The following STPG2 variants were observed in gnomAD, a reference collection of about 807,000 sequenced individuals.
The protein encoded by STPG2 is sperm tail PG-rich repeat containing 2, also known as sperm-tail PG-rich repeat-containing protein 2.
A neutral mutation model predicts 54.2 loss-of-function variants in STPG2; 56 were observed. The observed-to-expected ratio is 1.03, with a 90% confidence interval of 0.83 to 1.29. STPG2 has a LOEUF of 1.29. STPG2 is among the 50% of genes most tolerant of loss of function. STPG2 has a pLI of 0.00. For missense variants in STPG2, 596 were observed against 544.9 expected (o/e 1.09, Z -0.93); for synonymous variants, 200 against 181.8 (o/e 1.10, Z -0.81).
At chr4:97,956,125 ATGTT>A (rs1310891611) in intron 7 of STPG2, among the ~76,000 whole-genome samples, 5 of 152,196 alleles carry the variant, frequency 3.3e-5, no homozygotes, top group Non-Finnish European at 5.9e-5. Context: ...TAGATTTAAA[ATGTT>A]TGACAATAAT....
intron 4 of STPG2, among the ~76,000 whole-genome samples, chr4:97,478,873 A>G (rs917345344): frequency 1.3e-4 from 18 of 134,038 alleles, no homozygotes; most frequent in Middle Eastern, 3.7e-3. Context: ...CAAGCCAAAT[A>G]TGTGTGTGTG....
intron 3 of STPG2, among the ~76,000 whole-genome samples, chr4:98,126,007 G>A (rs1035410722): frequency 2.0e-5 from 3 of 152,222 alleles, no homozygotes; most frequent in African/African-American, 7.2e-5. Context: ...CAGTCTCTCT[G>A]GCACTGGCAG....
At chr4:97,908,898 G>A (rs1374467325) in intron 8 of STPG2, among the ~76,000 whole-genome samples, 1 of 150,992 alleles carries the variant, frequency 6.6e-6, no homozygotes, top group Non-Finnish European at 1.5e-5. Context: ...ATAGCATTGG[G>A]CGATATACCT....
At chr4:98,023,112 GTT>G (rs200314689) in intron 5 of STPG2, among the ~76,000 whole-genome samples, 2 of 152,128 alleles carry the variant, frequency 1.3e-5, no homozygotes, top group Non-Finnish European at 2.9e-5. Context: ...TGAGTTTCCA[GTT>G]TTTCTGCTCT....
chr4:97,736,933 C>T (rs542457637), intron 9 of STPG2, among the ~76,000 whole-genome samples: 6 of 152,302 alleles, frequency 3.9e-5, no homozygotes, highest in African/African-American at 1.4e-4. Context: ...CCCCTGACCC[C>T]CCAGCAGCCT....
At chr4:97,924,790 C>G (rs975914849) in intron 8 of STPG2, among the ~76,000 whole-genome samples, 10 of 152,238 alleles carry the variant, frequency 6.6e-5, no homozygotes, top group Admixed American at 6.5e-4. Context: ...GTCATGTTTG[C>G]ATCAGGGACC....
At chr4:97,529,164 C>G (rs1169516748) in intron 4 of STPG2, among the ~76,000 whole-genome samples, 1 of 152,098 alleles carries the variant, frequency 6.6e-6, no homozygotes, top group African/African-American at 2.4e-5. Flanking sequence ...TCCATCAATA[C>G]CTAGTTTATT....
At chr4:98,095,018 C>T (rs1244507081) in intron 5 of STPG2, among the ~76,000 whole-genome samples, 1 of 151,810 alleles carries the variant, frequency 6.6e-6, no homozygotes, top group Non-Finnish European at 1.5e-5. Context: ...TAAGGAAAAA[C>T]AACAAAAAGT....
rs546818919 is a variant in STPG2, at chr4:97,691,373, G to A, written c.1320+21326C>T. On this transcript the variant is annotated intron_variant, in intron 10 of 10. Transcript: ENST00000295268. Reference sequence around the variant, plus strand: ...ACCAGCCTTTCAGGGTACAGGCTGCGTGGGAGCTGGGTGAGGCCTGTGGCT... The same window carrying A: ...ACCAGCCTTTCAGGGTACAGGCTGCATGGGAGCTGGGTGAGGCCTGTGGCT... Among the ~76,000 whole-genome samples, 49 of 152,250 alleles carry A rather than the reference G, an allele frequency of 3.2e-4. No individual in the cohort carries two copies. In the East Asian group the frequency reaches 7.6e-3, roughly 23 times the overall value.
chr4:97,675,073 G>A (rs914553117), intron 10 of STPG2, among the ~76,000 whole-genome samples: 2 of 151,898 alleles, frequency 1.3e-5, no homozygotes, highest in Admixed American at 6.6e-5. Context: ...GTGCAACCTC[G>A]ACTGACCGCA....
intron 4 of STPG2, among the ~76,000 whole-genome samples, chr4:97,450,660 C>T (rs961303018): frequency 6.6e-6 from 1 of 152,078 alleles, no homozygotes; most frequent in African/African-American, 2.4e-5. Flanking sequence ...TGAAAGTAGG[C>T]TAATAAGCCT....
intron 10 of STPG2, among the ~76,000 whole-genome samples, chr4:97,641,434 A>C (rs1030950885): frequency 6.6e-6 from 1 of 151,588 alleles, no homozygotes; most frequent in African/African-American, 2.4e-5. Flanking sequence ...TCATGCATAT[A>C]TATAAACATA....
At chr4:98,021,390 G>C (rs1014500230) in intron 5 of STPG2, among the ~76,000 whole-genome samples, 1 of 149,348 alleles carries the variant, frequency 6.7e-6, no homozygotes, top group East Asian at 1.9e-4. Flanking sequence ...GAGACAGTTC[G>C]TTATAATTTC....
intron 4 of STPG2, among the ~76,000 whole-genome samples, chr4:97,471,929 TTTC>T (rs1322671892): frequency 5.3e-5 from 8 of 152,178 alleles, no homozygotes; most frequent in African/African-American, 1.4e-4. Context: ...AATAAAATTT[TTTC>T]TTTCTTTCAA....
At chr4:97,621,589 A>G (rs978049809) in intron 10 of STPG2, among the ~76,000 whole-genome samples, 1 of 152,158 alleles carries the variant, frequency 6.6e-6, no homozygotes, top group Non-Finnish European at 1.5e-5. Flanking sequence ...AAGAAACTGA[A>G]TCCTTGAACA....
At chr4:97,823,303 C>T (rs771131090) in intron 9 of STPG2, among the ~76,000 whole-genome samples, 2 of 152,160 alleles carry the variant, frequency 1.3e-5, no homozygotes, top group Non-Finnish European at 2.9e-5. Flanking sequence ...CAGCTGGTGA[C>T]TTTAGGTTGA....
chr4:97,905,737 C>A (rs1731387733), intron 8 of STPG2, among the ~76,000 whole-genome samples: 1 of 151,816 alleles, frequency 6.6e-6, no homozygotes, highest in Non-Finnish European at 1.5e-5. Flanking sequence ...CACACATAGG[C>A]TCAAAATAAA....
chr4:98,125,877 T>C (rs1195113965), intron 3 of STPG2, among the ~76,000 whole-genome samples: 1 of 152,170 alleles, frequency 6.6e-6, no homozygotes, highest in Non-Finnish European at 1.5e-5. Flanking sequence ...GTTGCTGAAA[T>C]TCCCATGGGG....
intron 5 of STPG2, among the ~76,000 whole-genome samples, chr4:98,000,750 G>GC (rs1735388273): frequency 6.6e-6 from 1 of 152,110 alleles, no homozygotes. Context: ...TAATACCATT[G>GC]CAAGTGTCAC....
Sources: allele counts gnomAD v4.1 joint callset (sites outside exome capture counted in the v4.1 genomes callset), GRCh38; gene constraint gnomAD v4.1.1; transcripts MANE v1.5; gene names NCBI Gene and HGNC (gene_info 2026-07-23, HGNC 2026-07-21).